RIMBP2: variants seen among roughly 807,000 people sequenced by gnomAD.
The protein encoded by RIMBP2 is RIMS binding protein 2.
In RIMBP2, 48 loss-of-function variants were observed where a neutral mutation model predicts 118.6. The ratio of observed to expected loss-of-function variants is 0.40; its 90% CI spans 0.32 to 0.51. RIMBP2 has a LOEUF of 0.51. RIMBP2 is among the 20% of genes least tolerant of loss of function. The probability of loss-of-function intolerance (pLI) is 0.41; values close to 1 mark genes in which losing one functional copy is unlikely to be tolerated. For missense variants in RIMBP2, 1,551 were observed against 1,768.3 expected (o/e 0.88, Z 2.20); for synonymous variants, 762 against 742.9 (o/e 1.03, Z -0.42).
Position 130,623,111 on chromosome 12 carries a change from G to A in RIMBP2, c.-217+5211C>T, listed in dbSNP as rs748001230. Among the ~76,000 whole-genome samples, 18 of 152,266 alleles carry A rather than the reference G, an allele frequency of 1.2e-4. No homozygotes were observed. Among genetic ancestry groups the A allele is most frequent in the East Asian group, 9.6e-4 (5 of 5,184 alleles). On this transcript the variant is annotated intron_variant, in intron 2 of 22. Transcript: ENST00000690449. This position sits in a 1 kb window ranked among gnomAD's most constrained non-coding sequence, Gnocchi z 4.1. ...CTACTTACACAAATACATATAAAAC[G>A]AAGGTCAACTGAATACTATTAAAGA...
chr12:130,455,969 A>T (rs192497473), intron 7 of RIMBP2, among the ~76,000 whole-genome samples: 150 of 152,306 alleles, frequency 9.8e-4, no homozygotes, highest in South Asian at 5.6e-3. Flanking sequence ...TCTAAGCAGG[A>T]CTGTGATGGG....
Position 130,489,410 on chromosome 12 carries a change from T to A in RIMBP2, c.-3-10394A>T, listed in dbSNP as rs141742188. 2.8e-4 allele frequency among the ~76,000 whole-genome samples: 42 copies of A among 152,054 alleles called. 1 individual carries two copies. In the East Asian group the frequency reaches 8.0e-3, roughly 29 times the overall value. On this transcript the variant is annotated intron_variant, in intron 4 of 22. Coordinates refer to ENST00000690449, the MANE Select transcript of RIMBP2 (RefSeq NM_001393629.1). ...TCAGATCTACTCTCTCTCCTTCTCT[T>A]GTTTTGCTCTGTATCAGAAAGAGCT...
At chr12:130,699,854 G>A (rs1313993779) in intron 1 of RIMBP2, among the ~76,000 whole-genome samples, 4 of 141,526 alleles carry the variant, frequency 2.8e-5, no homozygotes, top group African/African-American at 1.0e-4. Flanking sequence ...GCAGTGAGCC[G>A]AGATCATGCC....
At position 130,442,647 on chromosome 12, in the gene RIMBP2, A is replaced by T; in HGVS notation, c.705T>A (p.Asp235Glu). ...TGGAGGGCACCAGACCCCTCTGGCCATCGAGGAGCTCTCCTGTTGGGTACA... is the reference window on the plus strand; with the variant it reads ...TGGAGGGCACCAGACCCCTCTGGCCTTCGAGGAGCTCTCCTGTTGGGTACA... Reference protein sequence around the residue: ...EDGFYEGELLDGQRGLVPSNF... With the variant: ...EDGFYEGELLEGQRGLVPSNF... The change falls in exon 11 of 23, where the codon GAT becomes GAA. Residue 235 changes from aspartate (D) to glutamate (E), a missense_variant. Physicochemically the swap from Asp to Glu is conservative, Grantham distance 45. Coordinates refer to ENST00000690449, the MANE Select transcript of RIMBP2 (RefSeq NM_001393629.1). The surrounding 1 kb of genome is among the most constrained non-coding windows in gnomAD (Gnocchi z 6.9). The T allele has an allele frequency of 6.2e-7, 1 of 1,613,814 alleles. No homozygotes were observed. Among genetic ancestry groups the T allele is most frequent in the Non-Finnish European group, 8.5e-7 (1 of 1,179,840 alleles).
At chr12:130,592,753 C>T (rs1452202097) in intron 2 of RIMBP2, among the ~76,000 whole-genome samples, 1 of 150,938 alleles carries the variant, frequency 6.6e-6, no homozygotes, top group Non-Finnish European at 1.5e-5. Context: ...GGACCTTGGC[C>T]GTGGCGGGCC....
intron 2 of RIMBP2, among the ~76,000 whole-genome samples, chr12:130,592,803 C>T (rs1449203976): frequency 1.3e-5 from 2 of 152,048 alleles, no homozygotes; most frequent in South Asian, 4.1e-4. Flanking sequence ...TCGCCCAGCA[C>T]GTGGATTTGT....
Position 130,412,666 on chromosome 12 carries a change from A to G in RIMBP2, c.3542T>C (p.Leu1181Pro), listed in dbSNP as rs200206162. The G allele has an allele frequency of 1.9e-6, 3 of 1,613,968 alleles. No individual in the cohort carries two copies. Among genetic ancestry groups the G allele is most frequent in the Non-Finnish European group, 2.5e-6 (3 of 1,180,000 alleles). Residue 1181 changes from leucine to proline, a missense_variant, in exon 19 of 23, where the codon CTT (leucine) becomes CCT (proline). Physicochemically the swap from Leu to Pro is moderately conservative, Grantham distance 98 (BLOSUM62 -3). Around this residue, in one of 5 missense-constraint regions of RIMBP2, gnomAD observed 1,038 missense variants for 1,125.1 expected, o/e 0.92. Coordinates refer to ENST00000690449, the MANE Select transcript of RIMBP2 (RefSeq NM_001393629.1). Reference sequence around the variant, plus strand: ...CAGAGGGAGAAAGCCCTGTCTAAGAAGCTGATCCATCATCTCCTCATCATC... The same window carrying G: ...CAGAGGGAGAAAGCCCTGTCTAAGAGGCTGATCCATCATCTCCTCATCATC... ...QADDEEMMDQ[L>P]LRQGFLPLNT...
intron 2 of RIMBP2, among the ~76,000 whole-genome samples, chr12:130,583,962 TCAC>T (rs1212064058): frequency 1.4e-5 from 2 of 145,488 alleles, no homozygotes; most frequent in Non-Finnish European, 3.0e-5. Flanking sequence ...CGCATCACCA[TCAC>T]CACCAACACA....
At chr12:130,610,529 A>T (rs1479007685) in intron 2 of RIMBP2, among the ~76,000 whole-genome samples, 3 of 145,908 alleles carry the variant, frequency 2.1e-5, no homozygotes, top group African/African-American at 7.6e-5. Context: ...ACATTTTGTG[A>T]CTCATCAAAG....
At chr12:130,595,801 G>T (rs1312379253) in intron 2 of RIMBP2, among the ~76,000 whole-genome samples, 1 of 152,200 alleles carries the variant, frequency 6.6e-6, no homozygotes, top group Non-Finnish European at 1.5e-5. Flanking sequence ...AGGGGAGAGT[G>T]CAGCATGATG....
chr12:130,613,568 C>T (rs1010143218), intron 2 of RIMBP2, among the ~76,000 whole-genome samples: 12 of 152,146 alleles, frequency 7.9e-5, no homozygotes, highest in South Asian at 6.2e-4. Flanking sequence ...TGTTATCCAG[C>T]GGTTTGGGAG....
intron 2 of RIMBP2, among the ~76,000 whole-genome samples, chr12:130,595,887 C>T (rs1287178101): frequency 2.0e-5 from 3 of 152,218 alleles, no homozygotes; most frequent in Non-Finnish European, 4.4e-5. Context: ...CGGAAGGACT[C>T]AACGTACCCA....
At chr12:130,455,030 C>T (rs1021150568) in intron 7 of RIMBP2, among the ~76,000 whole-genome samples, 5 of 152,244 alleles carry the variant, frequency 3.3e-5, no homozygotes, top group African/African-American at 1.2e-4. Context: ...TCTGGAGCTT[C>T]GGTGGGCACG....
chr12:130,710,408 G>A lies in RIMBP2; in HGVS notation c.-352+5814C>T, dbSNP rs189132834. On this transcript the variant is annotated intron_variant, in intron 1 of 22. Coordinates refer to ENST00000690449, the MANE Select transcript of RIMBP2 (RefSeq NM_001393629.1). The surrounding 1 kb of genome is among the most constrained non-coding windows in gnomAD (Gnocchi z 4.3). The stretch of plus-strand genomic sequence containing the variant: ...GTAGTGATTATTCATTCACTTGCCC[G>A]TTGTCTTACACATGCACACACACAC... Among the ~76,000 whole-genome samples the A allele has an allele frequency of 2.2e-3, 334 of 151,948 alleles. 1 individual carries two copies. Among genetic ancestry groups the A allele is most frequent in the Non-Finnish European group, 3.0e-3 (202 of 67,986 alleles).
chr12:130,643,953 G>A (rs2062737579), intron 1 of RIMBP2, among the ~76,000 whole-genome samples: 3 of 152,192 alleles, frequency 2.0e-5, no homozygotes, highest in African/African-American at 7.2e-5. Flanking sequence ...AAAGCCTAGA[G>A]CAGTGAAGCG....
chr12:130,511,527 C>T lies in RIMBP2; in HGVS notation c.-126-4757G>A, dbSNP rs2050910633. Among the ~76,000 whole-genome samples the T allele has an allele frequency of 1.3e-5, 2 of 152,224 alleles. No individual in the cohort carries two copies. Among genetic ancestry groups the T allele is most frequent in the South Asian group, 4.1e-4 (2 of 4,826 alleles). ...TATTCCCCCAAGTCAAGGTTTGTCA[C>T]TTCCTCTACTGGTACAGCCCCCAGG... On this transcript the variant is annotated intron_variant, in intron 3 of 22. Transcript: ENST00000690449. The surrounding 1 kb of genome is among the most constrained non-coding windows in gnomAD (Gnocchi z 4.3).
At chr12:130,410,369 T>C (rs1340568709) in intron 19 of RIMBP2, among the ~76,000 whole-genome samples, 1 of 152,190 alleles carries the variant, frequency 6.6e-6, no homozygotes, top group East Asian at 1.9e-4. Context: ...AGTATTTAAT[T>C]TTGGTGAAGC....
In RIMBP2 at chr12:130,715,202, A is replaced by G. The variant is rs115081353; in HGVS notation, c.-352+1020T>C. On this transcript the variant is annotated intron_variant, in intron 1 of 22. Transcript: ENST00000690449. ...GAGTCTCCTTCAGGGCTCCTCCGTG[A>G]GAGAAATATGGGGCTGGACAGGGTC... Among the ~76,000 whole-genome samples the G allele has an allele frequency of 5.1e-3, 779 of 152,258 alleles. 12 individuals are homozygous for G. Among genetic ancestry groups the G allele is most frequent in the African/African-American group, 0.018 (746 of 41,542 alleles).
chr12:130,650,351 G>GCT (rs1248407192), intron 1 of RIMBP2, among the ~76,000 whole-genome samples: 2 of 152,226 alleles, frequency 1.3e-5, no homozygotes, highest in Non-Finnish European at 2.9e-5. Flanking sequence ...CCAGCCTGGG[G>GCT]CTCTAAATAG....
Sources: gnomAD v4.1 joint callset for allele counts (sites outside exome capture counted in the v4.1 genomes callset) on GRCh38, gnomAD v4.1.1 for gene constraint, gnomAD v4.1.1 regional missense constraint, Gnocchi (gnomAD v3.1) non-coding constraint, MANE v1.5 for transcripts, NCBI Gene and HGNC (gene_info 2026-07-23, HGNC 2026-07-21) for gene names.